The following SLC45A3 variants were observed in gnomAD, a reference collection of about 807,000 sequenced individuals.
SLC45A3 encodes solute carrier family 45 member 3.
A neutral mutation model predicts 35.3 loss-of-function variants in SLC45A3; 17 were observed. The observed-to-expected ratio is 0.48, with a 90% CI of 0.33 to 0.72. The LOEUF (loss-of-function observed/expected upper bound fraction) is 0.72. SLC45A3 is among the 30% of genes least tolerant of loss of function. SLC45A3 has a pLI of 0.02. For synonymous variants in SLC45A3, 288 were observed against 334.3 expected (o/e 0.86, Z 1.51); for missense variants, 597 against 731.7 (o/e 0.82, Z 2.12).
intron 1 of SLC45A3, among the ~76,000 whole-genome samples, chr1:205,680,045 T>TCCGGC (rs1333422257): frequency 1.3e-5 from 2 of 148,930 alleles, no homozygotes; most frequent in Non-Finnish European, 3.0e-5. Context: ...CCCGGCCCGG[T>TCCGGC]CCGGCCCGGC....
At chr1:205,671,529 C>G (rs984040683) in intron 1 of SLC45A3, among the ~76,000 whole-genome samples, 22 of 152,230 alleles carry the variant, frequency 1.4e-4, no homozygotes, top group African/African-American at 5.1e-4. Context: ...GAGCCTGTAA[C>G]TTGACCTTCC....
chr1:205,673,378 G>T lies in SLC45A3; in HGVS notation c.-231+7016C>A, dbSNP rs182874535. ...CTCGGAAATTCCTTCCCCCCATCCT[G>T]CCTTTTCGTACAGCCACTGAAAAGA... On this transcript the variant is annotated intron_variant, in intron 1 of 4. Coordinates refer to ENST00000367145, the MANE Select transcript of SLC45A3 (RefSeq NM_033102.3). Among the ~76,000 whole-genome samples, 396 of 152,284 alleles carry T rather than the reference G, an allele frequency of 2.6e-3. 2 individuals are homozygous for T. The highest frequency in any genetic ancestry group is 0.011 in the Admixed American group (167 of 15,294).
Position 205,663,357 on chromosome 1 carries a change from G to A in SLC45A3, c.434C>T (p.Ala145Val). The change falls in exon 3 of 5, where the codon GCC becomes GTC. Residue 145 changes from alanine to valine, a missense_variant. Physicochemically the swap from Ala to Val is moderately conservative, Grantham distance 64 (BLOSUM62 0). Coordinates refer to ENST00000367145, the MANE Select transcript of SLC45A3 (RefSeq NM_033102.3). ...CGQVCFTPLE[A>V]LLSDLFRDPD... is the part of the protein sequence containing the mutation. ...GTCCCGGAAGAGGTCAGAGAGCAGG[G>A]CCTCCAGTGGAGTGAAGCACACCTG... is the stretch of plus-strand genomic sequence containing the variant. 1 of 1,613,414 alleles carries A rather than the reference G, an allele frequency of 6.2e-7. No individual in the cohort carries two copies. The highest frequency in any genetic ancestry group is 8.5e-7 in the Non-Finnish European group (1 of 1,180,028).
At chr1:205,674,872 C>A (rs537566377) in intron 1 of SLC45A3, among the ~76,000 whole-genome samples, 58 of 151,944 alleles carry the variant, frequency 3.8e-4, no homozygotes, top group African/African-American at 1.4e-3. Context: ...TGTGTCACCA[C>A]GCCAGGCTAA....
At position 205,659,208 on chromosome 1, in the gene SLC45A3, C is replaced by T. The variant is rs766148149; in HGVS notation, c.*26G>A. 3.8e-6 allele frequency: 6 copies of T among 1,577,000 alleles called. No individual in the cohort carries two copies. The South Asian group carries it at 7.1e-5, about 19-fold the overall frequency. On this transcript the variant is annotated 3_prime_UTR_variant, in exon 5 of 5. Coordinates refer to ENST00000367145, the MANE Select transcript of SLC45A3 (RefSeq NM_033102.3). The surrounding 1 kb of genome is among the most constrained non-coding windows in gnomAD (Gnocchi z 5.8). ...GAGCTGGGACCCAGTGAGGCAGGCC[C>T]TCCACCCCAATGTGCTGGAAGTTTT...
At chr1:205,668,357 C>A (rs895015249) in intron 1 of SLC45A3, among the ~76,000 whole-genome samples, 4 of 152,080 alleles carry the variant, frequency 2.6e-5, no homozygotes, top group African/African-American at 9.7e-5. Flanking sequence ...ACGGAGGAGC[C>A]CAGCCTTTCT....
Position 205,664,633 on chromosome 1 carries a change from G to C in SLC45A3, c.24C>G (p.Ser8Arg), listed in dbSNP as rs1324193607. The C allele has an allele frequency of 1.2e-6, 2 of 1,614,120 alleles. No individual in the cohort carries two copies. Among genetic ancestry groups the C allele is most frequent in the Admixed American group, 1.7e-5 (1 of 60,012 alleles). ...GGGCTTTCCGGTGCCGCAGCAGGCG[G>C]CTCACCCACAGCCTCTGGACCATAG... is the stretch of plus-strand genomic sequence containing the variant. The part of the protein sequence containing the change: MVQRLWV[S>R]RLLRHRKAQL... The change falls in exon 2 of 5, where the codon AGC (serine) becomes AGG (arginine). Residue 8 changes from serine to arginine, a missense_variant. Ser to Arg is a moderately radical substitution (Grantham distance 110). Around this residue, in one of 3 missense-constraint regions of SLC45A3, gnomAD observed 37 missense variants for 41.1 expected, o/e 0.90. Transcript: ENST00000367145. This position sits in a 1 kb window ranked among gnomAD's most constrained non-coding sequence, Gnocchi z 5.3.
intron 1 of SLC45A3, among the ~76,000 whole-genome samples, chr1:205,668,609 T>C (rs1671156498): frequency 6.6e-6 from 1 of 152,106 alleles, no homozygotes; most frequent in South Asian, 2.1e-4. Context: ...CCTGCCCTAC[T>C]GCTCCTGGAA....
chr1:205,662,601 A>G lies in SLC45A3; in HGVS notation c.958+232T>C, dbSNP rs1671046754. ...TAAGCTCCGCCTTTCCTTCTGTCAA[A>G]CTGGGGCAACGACTCTGATCAGACT... On this transcript the variant is annotated intron_variant, in intron 3 of 4. Transcript: ENST00000367145. This position sits in a 1 kb window ranked among gnomAD's most constrained non-coding sequence, Gnocchi z 6.2. 1 of 1,333,756 alleles carries G rather than the reference A, an allele frequency of 7.5e-7. No individual in the cohort carries two copies. Among genetic ancestry groups the G allele is most frequent in the African/African-American group, 1.5e-5 (1 of 67,546 alleles). 82.6% of individuals were successfully genotyped at this position (1,333,756 alleles called of 1,614,324 possible). A position where few individuals can be genotyped will look rare whatever the true frequency, so the allele number is the denominator to read the frequency against.
intron 1 of SLC45A3, among the ~76,000 whole-genome samples, chr1:205,677,849 C>CTA (rs1476382118): frequency 2.0e-5 from 3 of 152,144 alleles, no homozygotes; most frequent in African/African-American, 7.2e-5. Context: ...AATTTTTAGA[C>CTA]TATATATAAC....
rs145880670 is a variant in SLC45A3 at position 205,663,482 on chromosome 1, G to T, written c.309C>A (p.Ile103=). ...GCCCTGCTAGCCAGCCGGCCCTTGG[G>T]ATGAGAAAGAGGCTCAGCAGGATGC... ...SLGILLSLFL[I]PRAGWLAGLL... The change falls in exon 3 of 5, where the codon ATC becomes ATA. Residue 103 remains isoleucine, a synonymous_variant. Coordinates refer to ENST00000367145, the MANE Select transcript of SLC45A3 (RefSeq NM_033102.3). 6,753 of 1,613,142 alleles carry T rather than the reference G, an allele frequency of 4.2e-3. 73 individuals are homozygous for T. Among genetic ancestry groups the T allele is most frequent in the South Asian group, 0.026 (2,351 of 91,074 alleles).
chr1:205,663,084 G>A lies in SLC45A3; in HGVS notation c.707C>T (p.Ser236Phe), dbSNP rs1457811709. ...TEPAEGLSAP[S>F]LSPHCCPCRA... ...GCATGGACAGCAGTGGGGCGACAAG[G>A]AGGGGGCCGACAGCCCTTCTGCTGG... is the stretch of plus-strand genomic sequence containing the variant. Residue 236 changes from serine to phenylalanine, a missense_variant, in exon 3 of 5, where the codon TCC (serine) becomes TTC (phenylalanine). Around this residue, in one of 3 missense-constraint regions of SLC45A3, gnomAD observed 555 missense variants for 664.9 expected, o/e 0.83. Transcript: ENST00000367145. 3 of 1,603,286 alleles carry A rather than the reference G, an allele frequency of 1.9e-6. No individual in the cohort carries two copies. Among genetic ancestry groups the A allele is most frequent in the African/African-American group, 2.7e-5 (2 of 74,748 alleles).
chr1:205,663,437 C>A lies in SLC45A3; in HGVS notation c.354G>T (p.Arg118Ser). The A allele has an allele frequency of 2.5e-6, 4 of 1,612,822 alleles. No individual in the cohort carries two copies. Among genetic ancestry groups the A allele is most frequent in the Non-Finnish European group, 3.4e-6 (4 of 1,179,748 alleles). The change falls in exon 3 of 5, where the codon AGG becomes AGT. Residue 118 changes from arginine to serine, a missense_variant. Around this residue, in one of 3 missense-constraint regions of SLC45A3, gnomAD observed 555 missense variants for 664.9 expected, o/e 0.83. Transcript: ENST00000367145. ...WLAGLLCPDP[R>S]PLELALLILG... ...GGATGAGCAGTGCCAGCTCCAGGGG[C>A]CTGGGATCCGGGCACAGCAGCCCTG...
Position 205,659,790 on chromosome 1 carries a change from A to C in SLC45A3, c.1225-119T>G. ...CCAGGGGCAATGGGACTTCATGAGA[A>C]TCAGGAGCAGGAGAGAAGATGGAGA... On this transcript the variant is annotated intron_variant, in intron 4 of 4. Coordinates refer to ENST00000367145, the MANE Select transcript of SLC45A3 (RefSeq NM_033102.3). The surrounding 1 kb of genome is among the most constrained non-coding windows in gnomAD (Gnocchi z 5.8). 2 of 942,546 alleles carry C rather than the reference A, an allele frequency of 2.1e-6. No individual in the cohort carries two copies. The highest frequency in any genetic ancestry group is 2.1e-5 in the South Asian group (1 of 46,574). The allele number at this position is 942,546 out of a possible 1,614,324, so 58.4% of individuals were successfully genotyped here. A position where few individuals can be genotyped will look rare whatever the true frequency, so the allele number is the denominator to read the frequency against.
In SLC45A3 at chr1:205,662,425, A is replaced by G. The variant is rs980917140; in HGVS notation, c.959-299T>C. 5.6e-5 allele frequency: 75 copies of G among 1,346,586 alleles called. No homozygotes were observed. The highest frequency in any genetic ancestry group is 2.8e-4 in the Middle Eastern group (1 of 3,566). The allele number at this position is 1,346,586 out of a possible 1,614,324, so 83.4% of individuals were successfully genotyped here. A position where few individuals can be genotyped will look rare whatever the true frequency, so the allele number is the denominator to read the frequency against. ...AGAGGGAACACAAAGACAGCTGGCC[A>G]TAGGCTTCAAGACGCTTCTAGGACG... On this transcript the variant is annotated intron_variant, in intron 3 of 4. Coordinates refer to ENST00000367145, the MANE Select transcript of SLC45A3 (RefSeq NM_033102.3). The surrounding 1 kb of genome is among the most constrained non-coding windows in gnomAD (Gnocchi z 6.2).
At position 205,662,999 on chromosome 1, in the gene SLC45A3, G is replaced by A. The variant is rs372987370; in HGVS notation, c.792C>T (p.Cys264=). 7.6e-5 allele frequency: 123 copies of A among 1,612,732 alleles called. No individual in the cohort carries two copies. In the African/African-American group the frequency reaches 1.6e-3, roughly 21 times the overall value. ...GALLPRLHQL[C]CRMPRTLRRL... The stretch of plus-strand genomic sequence containing the variant: ...GGCGCAGGGTGCGGGGCATGCGGCA[G>A]CACAGCTGGTGCAGCCGGGGAAGCA... The change falls in exon 3 of 5, where the codon TGC becomes TGT. Residue 264 remains cysteine, a synonymous_variant. Transcript: ENST00000367145. The surrounding 1 kb of genome is among the most constrained non-coding windows in gnomAD (Gnocchi z 6.2).
At chr1:205,665,424 G>A (rs1470025764) in intron 1 of SLC45A3, among the ~76,000 whole-genome samples, 3 of 152,208 alleles carry the variant, frequency 2.0e-5, no homozygotes, top group African/African-American at 7.2e-5. Context: ...AGGAGAGGCT[G>A]TTTTGTTGGG....
rs531018902 is a variant in SLC45A3, at chr1:205,669,104, G to A, written c.-230-4218C>T. ...CTAAGAGCAAGGGGTGGCAGTAGAA[G>A]CAAGGGTGAGGGCTTAAGTCCTCCT... On this transcript the variant is annotated intron_variant, in intron 1 of 4. Coordinates refer to ENST00000367145, the MANE Select transcript of SLC45A3 (RefSeq NM_033102.3). The surrounding 1 kb of genome is among the most constrained non-coding windows in gnomAD (Gnocchi z 4.1). Among the ~76,000 whole-genome samples the A allele has an allele frequency of 2.6e-5, 4 of 152,296 alleles. No homozygotes were observed. The highest frequency in any genetic ancestry group is 2.0e-4 in the Admixed American group (3 of 15,310).
At position 205,664,929 on chromosome 1, in the gene SLC45A3, C is replaced by T. The variant is rs1179530509; in HGVS notation, c.-230-43G>A. 1 of 1,287,970 alleles carries T rather than the reference C, an allele frequency of 7.8e-7. No homozygotes were observed. Among genetic ancestry groups the T allele is most frequent in the African/African-American group, 1.5e-5 (1 of 66,608 alleles). 79.8% of individuals were successfully genotyped at this position (1,287,970 alleles called of 1,614,324 possible). ...TCACAAGCACACGGGGTGTTAAGTC[C>T]TGGGAGCCAGGTCTCCACGATTTGC... On this transcript the variant is annotated intron_variant, in intron 1 of 4. Coordinates refer to ENST00000367145, the MANE Select transcript of SLC45A3 (RefSeq NM_033102.3). This position sits in a 1 kb window ranked among gnomAD's most constrained non-coding sequence, Gnocchi z 5.3.
Sources: gnomAD v4.1 joint callset for allele counts (sites outside exome capture counted in the v4.1 genomes callset) on GRCh38, gnomAD v4.1.1 for gene constraint, gnomAD v4.1.1 regional missense constraint, Gnocchi (gnomAD v3.1) non-coding constraint, MANE v1.5 for transcripts, NCBI Gene and HGNC (gene_info 2026-07-23, HGNC 2026-07-21) for gene names.